The following KLHL2 variants were observed in gnomAD, a reference collection of about 807,000 sequenced individuals.
The protein encoded by KLHL2 is kelch-like protein 2.
In KLHL2, 15 loss-of-function variants were observed where a neutral mutation model predicts 75.8. That is an observed-to-expected ratio of 0.20 (90% CI 0.13 to 0.30). The LOEUF (loss-of-function observed/expected upper bound fraction) is 0.30. KLHL2 is among the 10% of genes least tolerant of loss of function. The pLI, the probability that KLHL2 is intolerant of heterozygous loss-of-function variation, is 1.00. For missense variants in KLHL2, 381 were observed against 741.0 expected (o/e 0.51, Z 5.64); for synonymous variants, 214 against 251.9 (o/e 0.85, Z 1.42).
chr4:165,284,771 A>G (rs1658045729), intron 5 of KLHL2, among the ~76,000 whole-genome samples: 1 of 152,184 alleles, frequency 6.6e-6, no homozygotes, highest in South Asian at 2.1e-4. Context: ...ATAAAGACAT[A>G]TCTGAGACTC....
chr4:165,307,401 G>A (rs559591220), intron 9 of KLHL2, among the ~76,000 whole-genome samples: 38 of 152,278 alleles, frequency 2.5e-4, no homozygotes, highest in African/African-American at 9.1e-4. Context: ...AAGAATTCTG[G>A]TATATTCTTT....
intron 3 of KLHL2, among the ~76,000 whole-genome samples, chr4:165,233,735 TAGAC>T (rs1466303407): frequency 6.6e-6 from 1 of 152,214 alleles, no homozygotes; most frequent in African/African-American, 2.4e-5. Flanking sequence ...GAAGAAAGGT[TAGAC>T]AGTAAGTAAA....
At chr4:165,310,509 G>A (rs1272652961) in intron 9 of KLHL2, 44 bp from the exon 10 acceptor site, 4 of 1,504,290 alleles carry the variant, frequency 2.7e-6, no homozygotes, top group African/African-American at 2.7e-5. Context: ...ATTGGTGGTA[G>A]TTGAGTTGCA....
intron 1 of KLHL2, chr4:165,210,171 T>G (rs1473120263): frequency 6.4e-7 from 1 of 1,551,578 alleles, no homozygotes; most frequent in Non-Finnish European, 8.7e-7. Flanking sequence ...CGGCCCCAGA[T>G]TCTCTTTGTG....
At chr4:165,229,434 C>T (rs1312979433) in intron 3 of KLHL2, among the ~76,000 whole-genome samples, 1 of 152,148 alleles carries the variant, frequency 6.6e-6, no homozygotes, top group African/African-American at 2.4e-5. Context: ...ACTTGAATCC[C>T]TTACTCTCAT....
At chr4:165,235,488 C>T (rs1479683772) in intron 3 of KLHL2, among the ~76,000 whole-genome samples, 1 of 152,188 alleles carries the variant, frequency 6.6e-6, no homozygotes, top group Non-Finnish European at 1.5e-5. Flanking sequence ...GGCATGAGCC[C>T]CTGTGCCCAG....
At chr4:165,260,838 A>G (rs911210552) in intron 4 of KLHL2, among the ~76,000 whole-genome samples, 1 of 152,210 alleles carries the variant, frequency 6.6e-6, no homozygotes, top group East Asian at 1.9e-4. Flanking sequence ...TCTATAGGTT[A>G]AATTGCTGGG....
intron 5 of KLHL2, among the ~76,000 whole-genome samples, chr4:165,291,970 C>T (rs1047174794): frequency 6.6e-6 from 1 of 152,122 alleles, no homozygotes. Context: ...GGTGGGATTA[C>T]AGGTGTGAGC....
At chr4:165,309,321 G>A (rs1027990206) in intron 9 of KLHL2, among the ~76,000 whole-genome samples, 2 of 152,194 alleles carry the variant, frequency 1.3e-5, no homozygotes, top group African/African-American at 4.8e-5. Flanking sequence ...AACTTTAACT[G>A]AGGATTCAGA....
In KLHL2 at chr4:165,238,863, C is replaced by T; in HGVS notation, c.345C>T (p.Tyr115=). Residue 115 remains tyrosine, a synonymous_variant, in exon 4 of 15, where the codon TAC becomes TAT. Coordinates refer to ENST00000226725, the MANE Select transcript of KLHL2 (RefSeq NM_007246.4). ...WTLRMLIDYV[Y]TAEIQVTEEN... ...TGAGGATGCTAATTGATTATGTTTA[C>T]ACTGCAGAAATTCAGGTTACAGAAG... The T allele has an allele frequency of 6.2e-7, 1 of 1,614,028 alleles. No individual in the cohort carries two copies. Among genetic ancestry groups the T allele is most frequent in the African/African-American group, 1.3e-5 (1 of 74,998 alleles).
At chr4:165,299,831 G>T (rs367823520) in intron 8 of KLHL2, among the ~76,000 whole-genome samples, 175 bp downstream of exon 8, 5 of 152,190 alleles carry the variant, frequency 3.3e-5, no homozygotes, top group Admixed American at 6.5e-5. Flanking sequence ...GATTTTATAT[G>T]TTAAGGGTGG....
intron 7 of KLHL2, among the ~76,000 whole-genome samples, chr4:165,298,795 G>C (rs1434670833): frequency 6.6e-6 from 1 of 152,076 alleles, no homozygotes; most frequent in African/African-American, 2.4e-5. Context: ...AAATTAGCCA[G>C]ACATGGTGGC....
chr4:165,304,117 A>G (rs1745552925), intron 8 of KLHL2, among the ~76,000 whole-genome samples: 1 of 147,780 alleles, frequency 6.8e-6, no homozygotes. Flanking sequence ...TCCTGAGCTC[A>G]TGATCTGTCC....
rs765346084 is a variant in KLHL2 at position 165,263,197 on chromosome 4, G to A, written c.382G>A (p.Val128Ile). Residue 128 changes from valine to isoleucine, a missense_variant and splice_region_variant, in exon 5 of 15, where the codon GTA becomes ATA. Val to Ile is a conservative substitution (Grantham distance 29). Coordinates refer to ENST00000226725, the MANE Select transcript of KLHL2 (RefSeq NM_007246.4). ...AAGAATATTGATGTGTGTGTTGCAG[G>A]TACTTCTCCCAGCAGCTGGTCTCTT... ...EIQVTEENVQ[V>I]LLPAAGLLQL... is the part of the protein sequence containing the mutation. 4.3e-6 allele frequency: 7 copies of A among 1,613,772 alleles called. No homozygotes were observed. Among genetic ancestry groups the A allele is most frequent in the Non-Finnish European group, 5.9e-6 (7 of 1,179,804 alleles).
At position 165,278,893 on chromosome 4, in the gene KLHL2, C is replaced by T. The variant is rs7655933; in HGVS notation, c.545-15466C>T. Reference sequence around the variant, plus strand: ...GGTCCCCTAAACACCCAGATATTGGCACACCTTCCAAGGCCCCCGCTTTCA... The same window carrying T: ...GGTCCCCTAAACACCCAGATATTGGTACACCTTCCAAGGCCCCCGCTTTCA... On this transcript the variant is annotated intron_variant, in intron 5 of 14. Transcript: ENST00000226725. 8.1e-3 allele frequency: 11,607 copies of T among 1,427,900 alleles called. 753 individuals are homozygous for T. In the African/African-American group the frequency reaches 0.14, roughly 17 times the overall value. The allele number at this position is 1,427,900 out of a possible 1,614,324, so 88.5% of individuals were successfully genotyped here.
At chr4:165,277,620 G>C (rs560781970) in intron 5 of KLHL2, among the ~76,000 whole-genome samples, 1 of 152,186 alleles carries the variant, frequency 6.6e-6, no homozygotes, top group Non-Finnish European at 1.5e-5. Context: ...GAGTATGTTT[G>C]ATGGAAGATT....
chr4:165,258,258 C>T (rs1216380292), intron 4 of KLHL2, among the ~76,000 whole-genome samples: 1 of 151,916 alleles, frequency 6.6e-6, no homozygotes. Context: ...ATTATAATTG[C>T]TCCATCTTTG....
At chr4:165,255,538 G>T (rs1356327182) in intron 4 of KLHL2, among the ~76,000 whole-genome samples, 1 of 152,040 alleles carries the variant, frequency 6.6e-6, no homozygotes, top group African/African-American at 2.4e-5. Flanking sequence ...GGATGTAGGG[G>T]GCTGGCCCGG....
At chr4:165,255,282 A>G (rs1741072315) in intron 4 of KLHL2, among the ~76,000 whole-genome samples, 1 of 152,208 alleles carries the variant, frequency 6.6e-6, no homozygotes, top group Non-Finnish European at 1.5e-5. Flanking sequence ...TATTCTGCTT[A>G]AGAGTCAACC....
Sources: gnomAD v4.1 joint callset for allele counts (sites outside exome capture counted in the v4.1 genomes callset) on GRCh38, gnomAD v4.1.1 for gene constraint, MANE v1.5 for transcripts, NCBI Gene and HGNC (gene_info 2026-07-23, HGNC 2026-07-21) for gene names.